CNNM4: variants seen among roughly 807,000 people sequenced by gnomAD.
CNNM4 encodes cyclin and CBS domain divalent metal cation transport mediator 4, also known as metal transporter CNNM4.
CNNM4 carries 32 observed loss-of-function variants against 53.7 expected under a neutral mutation model. That is an observed-to-expected ratio of 0.60 (90% confidence interval 0.45 to 0.80). The LOEUF is 0.80. CNNM4 is among the 30% of genes least tolerant of loss of function. The pLI is 0.00. For missense variants in CNNM4, 784 were observed against 1,022.0 expected (o/e 0.77, Z 3.17); for synonymous variants, 410 against 440.0 (o/e 0.93, Z 0.85).
In CNNM4 at chr2:96,801,628, G is replaced by A. The variant is rs993364073; in HGVS notation, c.1948+1980G>A. On this transcript the variant is annotated intron_variant, in intron 5 of 6. Transcript: ENST00000377075. The surrounding 1 kb of genome is among the most constrained non-coding windows in gnomAD (Gnocchi z 5.6). ...CAGAGACCACACACAGAGACCACAC[G>A]CAGAGAGACCACACACATGCAGAGA... 7.6e-6 allele frequency among the ~76,000 whole-genome samples: 1 copy of A among 132,342 alleles called. No individual in the cohort carries two copies. Among genetic ancestry groups the A allele is most frequent in the Non-Finnish European group, 1.6e-5 (1 of 63,626 alleles). The allele number at this position is 132,342 out of a possible 152,430, so 86.8% of individuals were successfully genotyped here. A position where few individuals can be genotyped will look rare whatever the true frequency, so the allele number is the denominator to read the frequency against.
intron 1 of CNNM4, among the ~76,000 whole-genome samples, chr2:96,789,761 C>T (rs1200523459): frequency 7.3e-5 from 11 of 151,092 alleles, no homozygotes; most frequent in African/African-American, 9.7e-5. Flanking sequence ...GGTGCGATCT[C>T]GGCTCACTGC....
At position 96,808,516 on chromosome 2, in the gene CNNM4, G is replaced by T. The variant is rs546993790; in HGVS notation, c.1949-45G>T. On this transcript the variant is annotated intron_variant, in intron 5 of 6. Transcript: ENST00000377075. The surrounding 1 kb of genome is among the most constrained non-coding windows in gnomAD (Gnocchi z 4.9). ...AGGTGAGACATGAGGGTGAGAGTGG[G>T]CATCGGAGTGGCCTTTGGCATGACA... 42 of 1,601,070 alleles carry T rather than the reference G, an allele frequency of 2.6e-5. No homozygotes were observed. The South Asian group carries it at 3.6e-4, about 14-fold the overall frequency.
At chr2:96,762,422 C>T (rs778725407) in intron 1 of CNNM4, 21 bp downstream of exon 1, 1 of 1,609,682 alleles carries the variant, frequency 6.2e-7, no homozygotes, top group South Asian at 1.1e-5. Context: ...ATGTAGTTCC[C>T]CTGGTTCAAT....
At chr2:96,771,374 T>G (rs899002631) in intron 1 of CNNM4, among the ~76,000 whole-genome samples, 1 of 152,064 alleles carries the variant, frequency 6.6e-6, no homozygotes, top group Non-Finnish European at 1.5e-5. Context: ...TGCTGGAACT[T>G]GTCTCTATTA....
intron 1 of CNNM4, among the ~76,000 whole-genome samples, chr2:96,782,871 G>A (rs559362200): frequency 2.0e-5 from 3 of 152,100 alleles, no homozygotes; most frequent in Admixed American, 1.3e-4. Context: ...ACAGAATTTC[G>A]GTTAAGTCTT....
At chr2:96,779,642 T>C (rs2078956282) in intron 1 of CNNM4, among the ~76,000 whole-genome samples, 1 of 152,172 alleles carries the variant, frequency 6.6e-6, no homozygotes, top group African/African-American at 2.4e-5. Flanking sequence ...TTCTTTTTCT[T>C]TGCTCCAGTA....
chr2:96,808,499 CATG>C lies in CNNM4; in HGVS notation c.1949-60_1949-58del, dbSNP rs2079227923. On this transcript the variant is annotated intron_variant, in intron 5 of 6. Transcript: ENST00000377075. The surrounding 1 kb of genome is among the most constrained non-coding windows in gnomAD (Gnocchi z 4.9). ...TGGGCTTCCATGGGATGAGGTGAGACATGAGGGTGAGAGTGGGCATCGGAGTGG... is the reference window on the plus strand; with the variant it reads ...TGGGCTTCCATGGGATGAGGTGAGACAGGGTGAGAGTGGGCATCGGAGTGG... 3 of 1,565,988 alleles carry C rather than the reference CATG, an allele frequency of 1.9e-6. No individual in the cohort carries two copies. Among genetic ancestry groups the C allele is most frequent in the Middle Eastern group, 3.6e-4 (2 of 5,590 alleles).
At chr2:96,792,170 T>C (rs1387849662) in intron 1 of CNNM4, among the ~76,000 whole-genome samples, 2 of 148,940 alleles carry the variant, frequency 1.3e-5, no homozygotes, top group Non-Finnish European at 3.0e-5. Context: ...CACTGGAACC[T>C]GTGAGGTGGA....
chr2:96,809,460 T>A lies in CNNM4; in HGVS notation c.2271T>A (p.Thr757=), dbSNP rs141426694. ...TGCCTGTGGTGGACGAGACCACAAC[T>A]CTTCTCAACGAGCGTAACTCCTTGC... The part of the protein sequence containing the change: ...SELPVVDETT[T]LLNERNSLLH... The change falls in exon 7 of 7, where the codon ACT becomes ACA. Residue 757 remains threonine, a synonymous_variant. Coordinates refer to ENST00000377075, the MANE Select transcript of CNNM4 (RefSeq NM_020184.4). The A allele has an allele frequency of 3.5e-5, 57 of 1,614,008 alleles. No individual in the cohort carries two copies. The highest frequency in any genetic ancestry group is 4.7e-5 in the Non-Finnish European group (56 of 1,180,014).
intron 3 of CNNM4, among the ~76,000 whole-genome samples, chr2:96,798,693 A>G (rs2079128534): frequency 6.6e-6 from 1 of 152,140 alleles, no homozygotes; most frequent in African/African-American, 2.4e-5. Flanking sequence ...TATGGACAGC[A>G]CATATATACT....
chr2:96,771,577 G>T (rs935587670), intron 1 of CNNM4, among the ~76,000 whole-genome samples: 7 of 151,982 alleles, frequency 4.6e-5, no homozygotes, highest in Non-Finnish European at 1.0e-4. Context: ...AGCCGGTCGT[G>T]GTGGTGCATG....
intron 1 of CNNM4, among the ~76,000 whole-genome samples, chr2:96,771,922 T>C (rs969105837): frequency 6.6e-6 from 1 of 152,194 alleles, no homozygotes; most frequent in Non-Finnish European, 1.5e-5. Flanking sequence ...GGTGTACAGC[T>C]GCTAGTTTGT....
Position 96,801,222 on chromosome 2 carries a change from A to AC in CNNM4, c.1948+1579dup. 1 of 716,318 alleles carries AC rather than the reference A, an allele frequency of 1.4e-6. No homozygotes were observed. The highest frequency in any genetic ancestry group is 1.7e-6 in the Non-Finnish European group (1 of 584,480). 44.4% of individuals were successfully genotyped at this position (716,318 alleles called of 1,614,324 possible). On this transcript the variant is annotated intron_variant, in intron 5 of 6. Coordinates refer to ENST00000377075, the MANE Select transcript of CNNM4 (RefSeq NM_020184.4). The surrounding 1 kb of genome is among the most constrained non-coding windows in gnomAD (Gnocchi z 5.6). Reference sequence around the variant, plus strand: ...CATTAACCTCCCCACATGGACCCGGACCCCCGCCTGCTCAATGTGGGCCGC... The same window carrying AC: ...CATTAACCTCCCCACATGGACCCGGACCCCCCGCCTGCTCAATGTGGGCCGC...
rs1169367477 is a variant in CNNM4 at position 96,797,334 on chromosome 2, G to A, written c.1546+179G>A. On this transcript the variant is annotated intron_variant, in intron 2 of 6. Transcript: ENST00000377075. The surrounding 1 kb of genome is among the most constrained non-coding windows in gnomAD (Gnocchi z 6.0). ...GAGCAGGTTGCTGAGAGCAGTGCCC[G>A]GAGGCTGCCTTCACCCTCGGCCTTT... 2.6e-5 allele frequency among the ~76,000 whole-genome samples: 4 copies of A among 152,208 alleles called. No homozygotes were observed. Among genetic ancestry groups the A allele is most frequent in the Admixed American group, 6.5e-5 (1 of 15,280 alleles).
intron 1 of CNNM4, among the ~76,000 whole-genome samples, chr2:96,770,925 G>A (rs749685698): frequency 2.0e-4 from 30 of 152,238 alleles, no homozygotes; most frequent in Admixed American, 3.3e-4. Context: ...TCCCCAGCCC[G>A]TGGGGGATGG....
chr2:96,766,918 A>G (rs2153343713), intron 1 of CNNM4, among the ~76,000 whole-genome samples: 1 of 152,330 alleles, frequency 6.6e-6, no homozygotes, highest in South Asian at 2.1e-4. Flanking sequence ...CCAGCCACAC[A>G]GGACAGACAG....
At chr2:96,769,970 C>G (rs1369761585) in intron 1 of CNNM4, among the ~76,000 whole-genome samples, 1 of 152,226 alleles carries the variant, frequency 6.6e-6, no homozygotes, top group Non-Finnish European at 1.5e-5. Flanking sequence ...TGTGGCCAGG[C>G]TCCTTCTCAC....
intron 1 of CNNM4, among the ~76,000 whole-genome samples, chr2:96,773,355 C>G (rs2078895931): frequency 6.6e-6 from 1 of 152,256 alleles, no homozygotes; most frequent in African/African-American, 2.4e-5. Context: ...CGTAATCATG[C>G]TGTAAATATT....
chr2:96,806,081 AC>A lies in CNNM4; in HGVS notation c.1949-2472del, dbSNP rs1393750966. ...GGCGGCTGGCCGGGCAGGGGGGCTG[AC>A]CCCCCCCAACCTCCCTCCCGGAGGG... On this transcript the variant is annotated intron_variant, in intron 5 of 6. Transcript: ENST00000377075. Among the ~76,000 whole-genome samples the A allele has an allele frequency of 7.0e-5, 9 of 127,770 alleles. No homozygotes were observed. In the South Asian group the frequency reaches 1.0e-3, roughly 15 times the overall value. 83.8% of individuals were successfully genotyped at this position (127,770 alleles called of 152,430 possible).
Sources: gnomAD v4.1 joint callset for allele counts (sites outside exome capture counted in the v4.1 genomes callset) on GRCh38, gnomAD v4.1.1 for gene constraint, Gnocchi (gnomAD v3.1) non-coding constraint, MANE v1.5 for transcripts, NCBI Gene and HGNC (gene_info 2026-07-23, HGNC 2026-07-21) for gene names.